Variants in KCNG2 observed in about 807,000 individuals in gnomAD.
KCNG2 encodes voltage-gated potassium channel regulatory subunit KCNG2.
KCNG2 carries 7 observed loss-of-function variants against 12.3 expected under a neutral mutation model. The ratio of observed to expected loss-of-function variants is 0.57; its 90% confidence interval spans 0.32 to 1.07. The LOEUF (loss-of-function observed/expected upper bound fraction) is 1.07, where lower values mean the gene tolerates loss of function less well. Ranked by LOEUF, KCNG2 falls within the 50% of genes least tolerant of loss-of-function variation. KCNG2 has a pLI of 0.04. For missense variants in KCNG2, 703 were observed against 726.0 expected, an observed-to-expected ratio of 0.97 and a Z score of 0.36; for synonymous variants, 414 against 351.4, an observed-to-expected ratio of 1.18 and a Z score of -1.99.
chr18:79,827,925 TTC>T lies in KCNG2; in HGVS notation c.-114-28452_-114-28451del, dbSNP rs1486392807. Reference sequence around the variant, plus strand: ...ATAATATTCTTTTTTCTTTCTTTCTTTCTTTTTTTTTTTTTTGAGATGTAGTC... The same window carrying T: ...ATAATATTCTTTTTTCTTTCTTTCTTTTTTTTTTTTTTTTGAGATGTAGTC... On this transcript the variant is annotated intron_variant, in intron 1 of 3. Transcript: ENST00000316249. 7.7e-5 allele frequency among the ~76,000 whole-genome samples: 9 copies of T among 117,014 alleles called. No homozygotes were observed. The South Asian group carries it at 2.0e-3, about 26-fold the overall frequency. 76.8% of individuals were successfully genotyped at this position (117,014 alleles called of 152,430 possible). A position where few individuals can be genotyped will look rare whatever the true frequency, so the allele number is the denominator to read the frequency against.
At chr18:79,881,111 A>G (rs913365793) in intron 3 of KCNG2, among the ~76,000 whole-genome samples, 7 of 152,254 alleles carry the variant, frequency 4.6e-5, no homozygotes, top group African/African-American at 1.7e-4. Context: ...AGAGCAGTGA[A>G]GCAAGGAAAG....
In KCNG2 at chr18:79,885,995, A is replaced by G. The variant is rs111211789; in HGVS notation, c.625-13045A>G. The stretch of plus-strand genomic sequence containing the variant: ...GATGGGAACATAGGGACGTGGGGAC[A>G]GGAACATGGGGACACAAGACAGGGA... On this transcript the variant is annotated intron_variant, in intron 3 of 3. Transcript: ENST00000316249. Among the ~76,000 whole-genome samples the G allele has an allele frequency of 2.0e-3, 30 of 14,938 alleles. 7 individuals are homozygous for G. The highest frequency in any genetic ancestry group is 4.5e-3 in the South Asian group (1 of 224). The allele number at this position is 14,938 out of a possible 152,430, so 9.8% of individuals were successfully genotyped here.
At chr18:79,825,797 T>G (rs2087609602) in intron 1 of KCNG2, among the ~76,000 whole-genome samples, 1 of 152,194 alleles carries the variant, frequency 6.6e-6, no homozygotes, top group African/African-American at 2.4e-5. Flanking sequence ...CTGTATCGTC[T>G]GGGGGAAAAT....
intron 3 of KCNG2, among the ~76,000 whole-genome samples, chr18:79,873,056 C>A (rs1599416837): frequency 6.6e-6 from 1 of 152,166 alleles, no homozygotes; most frequent in African/African-American, 2.4e-5. Context: ...TAGGAAGAAG[C>A]CAGGTAGCTC....
intron 2 of KCNG2, among the ~76,000 whole-genome samples, chr18:79,860,175 A>G (rs1979161317): frequency 6.6e-6 from 1 of 152,192 alleles, no homozygotes; most frequent in South Asian, 2.1e-4. Flanking sequence ...ATTTAGGTGG[A>G]GGCATGTAAT....
At chr18:79,873,232 T>C (rs1221372745) in intron 3 of KCNG2, among the ~76,000 whole-genome samples, 3 of 152,192 alleles carry the variant, frequency 2.0e-5, no homozygotes, top group Non-Finnish European at 4.4e-5. Context: ...GTTTCTCGCC[T>C]CCTGTCCGTA....
chr18:79,899,188 C>T lies in KCNG2; in HGVS notation c.773C>T (p.Ala258Val), dbSNP rs1981094550. 4 of 1,604,006 alleles carry T rather than the reference C, an allele frequency of 2.5e-6. No individual in the cohort carries two copies. Among genetic ancestry groups the T allele is most frequent in the South Asian group, 1.1e-5 (1 of 90,938 alleles). The change falls in exon 4 of 4, where the codon GCG (alanine) becomes GTG (valine). Residue 258 changes from alanine (A) to valine (V), a missense_variant. Physicochemically the swap from Ala to Val is moderately conservative, Grantham distance 64 (BLOSUM62 0). Transcript: ENST00000316249. The part of the protein sequence containing the change: ...RAPLNIIDIL[A>V]LLPFYVSLLL... The stretch of plus-strand genomic sequence containing the variant: ...CCACTCAACATCATTGACATCCTGG[C>T]GCTCCTGCCGTTCTACGTGTCGCTG...
intron 1 of KCNG2, among the ~76,000 whole-genome samples, chr18:79,851,905 C>T (rs1391421005): frequency 6.6e-6 from 1 of 152,216 alleles, no homozygotes; most frequent in Non-Finnish European, 1.5e-5. Context: ...TCTGCATTGG[C>T]TGTCAGTCCT....
At chr18:79,869,676 T>G (rs1599413217) in intron 3 of KCNG2, among the ~76,000 whole-genome samples, 1 of 152,112 alleles carries the variant, frequency 6.6e-6, no homozygotes, top group African/African-American at 2.4e-5. Flanking sequence ...GGCGTTAGGG[T>G]GATTTGCTCA....
At chr18:79,805,793 G>A (rs1240627360) in intron 1 of KCNG2, among the ~76,000 whole-genome samples, 1 of 152,142 alleles carries the variant, frequency 6.6e-6, no homozygotes, top group African/African-American at 2.4e-5. Context: ...CTAGAAAAAT[G>A]TCTCCACCTG....
At chr18:79,897,530 T>C (rs1308778502) in intron 3 of KCNG2, among the ~76,000 whole-genome samples, 1 of 152,242 alleles carries the variant, frequency 6.6e-6, no homozygotes, top group Non-Finnish European at 1.5e-5. Flanking sequence ...TGAAATCTCA[T>C]TCAGTTAAAT....
At chr18:79,895,688 T>C (rs530368574) in intron 3 of KCNG2, among the ~76,000 whole-genome samples, 1 of 152,112 alleles carries the variant, frequency 6.6e-6, no homozygotes, top group South Asian at 2.1e-4. Flanking sequence ...ACGATTGATA[T>C]AGTTGAGTCT....
At position 79,860,602 on chromosome 18, in the gene KCNG2, A is replaced by G. The variant is rs537053831; in HGVS notation, c.-40-3026A>G. ...TTATTCATTGCTTTTGTATAGAAAT[A>G]CAACTGATTTTTTTTACCGATCTCA... On this transcript the variant is annotated intron_variant, in intron 2 of 3. Transcript: ENST00000316249. Among the ~76,000 whole-genome samples the G allele has an allele frequency of 1.6e-4, 25 of 152,304 alleles. 1 individual carries two copies. In the South Asian group the frequency reaches 5.2e-3, roughly 32 times the overall value.
intron 1 of KCNG2, among the ~76,000 whole-genome samples, chr18:79,836,630 G>T (rs1405810021): frequency 6.6e-6 from 1 of 152,162 alleles, no homozygotes; most frequent in East Asian, 1.9e-4. Context: ...GGCTGGGGAG[G>T]CCTCAGGAAA....
At chr18:79,888,832 G>A (rs1384679272) in intron 3 of KCNG2, among the ~76,000 whole-genome samples, 6 of 151,792 alleles carry the variant, frequency 4.0e-5, no homozygotes, top group African/African-American at 7.3e-5. Context: ...CCACCACCAC[G>A]CCCAGCTATT....
In KCNG2 at chr18:79,863,633, G is replaced by C; in HGVS notation, c.-35G>C. The C allele has an allele frequency of 1.7e-6, 2 of 1,205,730 alleles. No homozygotes were observed. The highest frequency in any genetic ancestry group is 1.0e-6 in the Non-Finnish European group (1 of 971,646). 74.7% of individuals were successfully genotyped at this position (1,205,730 alleles called of 1,614,324 possible). ...GCGGTCCGTTCCTTTTGCAGGAGCC[G>C]GGCAGGAGCCCCTCGGTCCGGTCCG... On this transcript the variant is annotated 5_prime_UTR_variant, in exon 3 of 4. Coordinates refer to ENST00000316249, the MANE Select transcript of KCNG2 (RefSeq NM_012283.2).
intron 1 of KCNG2, among the ~76,000 whole-genome samples, chr18:79,855,330 G>T (rs1978972469): frequency 1.3e-5 from 2 of 152,236 alleles, no homozygotes; most frequent in African/African-American, 4.8e-5. Flanking sequence ...CCTGTGCAGG[G>T]TGTTGGCAGT....
chr18:79,869,126 A>G (rs1979727590), intron 3 of KCNG2, among the ~76,000 whole-genome samples: 1 of 152,158 alleles, frequency 6.6e-6, no homozygotes, highest in Admixed American at 6.5e-5. Context: ...ACCCCGAGCC[A>G]GAGTCCAGCT....
chr18:79,835,172 C>G (rs1978316981), intron 1 of KCNG2, among the ~76,000 whole-genome samples: 1 of 152,218 alleles, frequency 6.6e-6, no homozygotes. Flanking sequence ...GTCCCCACTG[C>G]CAGCAGAGGT....
Sources: gnomAD v4.1 joint callset for allele counts (sites outside exome capture counted in the v4.1 genomes callset) on GRCh38, gnomAD v4.1.1 for gene constraint, MANE v1.5 for transcripts, NCBI Gene and HGNC (gene_info 2026-07-23, HGNC 2026-07-21) for gene names.